The following PHACTR4 variants were observed in gnomAD, a reference collection of about 807,000 sequenced individuals.
The protein encoded by PHACTR4 is protein phosphatase 1, regulatory subunit 124.
Under a neutral mutation model 72.7 loss-of-function variants are expected in PHACTR4, and 51 were observed. That is an observed-to-expected ratio of 0.70 (90% CI 0.56 to 0.89). The LOEUF (loss-of-function observed/expected upper bound fraction) is 0.89, where lower values mean the gene tolerates loss of function less well. PHACTR4 is among the 40% of genes least tolerant of loss of function. The probability of loss-of-function intolerance (pLI) is 0.00; values close to 1 mark genes in which losing one functional copy is unlikely to be tolerated. For missense variants in PHACTR4, 731 were observed against 861.8 expected (o/e 0.85, Z 1.90); for synonymous variants, 255 against 302.5 (o/e 0.84, Z 1.63).
At chr1:28,481,825 T>A (rs1301441876) in intron 9 of PHACTR4, among the ~76,000 whole-genome samples, 24 of 150,234 alleles carry the variant, frequency 1.6e-4, no homozygotes, top group Admixed American at 1.6e-3. Flanking sequence ...AACAAAAAAA[T>A]ATATATTGGA....
chr1:28,461,607 C>G (rs1344456609), intron 4 of PHACTR4, among the ~76,000 whole-genome samples: 6 of 152,092 alleles, frequency 3.9e-5, no homozygotes. Flanking sequence ...TAAAAACTAA[C>G]CAGAGACAAC....
intron 1 of PHACTR4, among the ~76,000 whole-genome samples, chr1:28,399,241 GGC>G (rs1326577293): frequency 2.6e-5 from 4 of 152,040 alleles, no homozygotes; most frequent in Admixed American, 2.6e-4. Context: ...GAATCCAGGA[GGC>G]GGGGGTTATA....
intron 9 of PHACTR4, among the ~76,000 whole-genome samples, chr1:28,484,171 A>C (rs2124533517): frequency 6.6e-6 from 1 of 152,220 alleles, no homozygotes; most frequent in South Asian, 2.1e-4. Context: ...AAATACAAAA[A>C]TTAGCCAGGC....
intron 13 of PHACTR4, among the ~76,000 whole-genome samples, chr1:28,496,038 A>C (rs1286694012): frequency 6.6e-6 from 1 of 150,592 alleles, no homozygotes; most frequent in Non-Finnish European, 1.5e-5. Flanking sequence ...TACAGAAGCC[A>C]AGAGAAGAGT....
chr1:28,494,082 C>T (rs1238254681), intron 13 of PHACTR4: 1 of 152,034 alleles, frequency 6.6e-6, no homozygotes, highest in Admixed American at 6.6e-5. Context: ...GCAAATGAGG[C>T]TGAGTGCAGT....
At chr1:28,427,719 C>T (rs1655962068) in intron 2 of PHACTR4, among the ~76,000 whole-genome samples, 1 of 152,072 alleles carries the variant, frequency 6.6e-6, no homozygotes, top group East Asian at 1.9e-4. Context: ...CTTTTTTACT[C>T]TGTGGTACTT....
In PHACTR4 at chr1:28,429,675, G is replaced by A. The variant is rs974418867; in HGVS notation, c.16+22212G>A. ...CTTATACTCAAGATTAATAATACTC[G>A]GTGCGTGTATACTGTACATCAAATG... On this transcript the variant is annotated intron_variant, in intron 2 of 13. Coordinates refer to ENST00000373839, the MANE Select transcript of PHACTR4 (RefSeq NM_001048183.3). Among the ~76,000 whole-genome samples the A allele has an allele frequency of 6.6e-5, 10 of 152,108 alleles. 1 individual carries two copies. The highest frequency in any genetic ancestry group is 6.2e-4 in the South Asian group (3 of 4,826).
At chr1:28,487,724 G>GTTTTTTTTTTTTTTT (rs1054105118) in intron 9 of PHACTR4, among the ~76,000 whole-genome samples, 2 of 71,472 alleles carry the variant, frequency 2.8e-5, no homozygotes, top group African/African-American at 1.1e-4. Flanking sequence ...GTAGTTTTTT[G>GTTTTTTTTTTTTTTT]TTGTTTTTTT....
intron 8 of PHACTR4, among the ~76,000 whole-genome samples, chr1:28,476,772 C>CTTTTTTTTTTTT (rs35369238): frequency 0.01 from 989 of 98,154 alleles, 157 homozygotes; most frequent in African/African-American, 0.046. Flanking sequence ...CTAGCCTGTT[C>CTTTTTTTTTTTT]TTTTTTTTTT....
intron 4 of PHACTR4, 128 bp from the exon 5 acceptor site, chr1:28,465,557 C>T: frequency 4.2e-6 from 4 of 948,302 alleles, no homozygotes; most frequent in Non-Finnish European, 6.2e-6. Flanking sequence ...TCAAGACCAG[C>T]CTGGGCAACA....
At chr1:28,395,168 C>G (rs1266985338) in intron 1 of PHACTR4, among the ~76,000 whole-genome samples, 1 of 152,122 alleles carries the variant, frequency 6.6e-6, no homozygotes, top group Non-Finnish European at 1.5e-5. Flanking sequence ...CTGCCTTGGC[C>G]TCCTAAAGTG....
chr1:28,374,820 A>G (rs183201060), intron 1 of PHACTR4, among the ~76,000 whole-genome samples: 1 of 152,270 alleles, frequency 6.6e-6, no homozygotes, highest in East Asian at 1.9e-4. Flanking sequence ...AAATAAATAA[A>G]ATTCCCTCAT....
intron 2 of PHACTR4, among the ~76,000 whole-genome samples, chr1:28,414,004 C>T (rs1654942589): frequency 6.6e-6 from 1 of 152,138 alleles, no homozygotes. Context: ...CTGCTGCATT[C>T]AGCATTAATT....
intron 2 of PHACTR4, among the ~76,000 whole-genome samples, chr1:28,449,000 C>T (rs369285570): frequency 6.6e-6 from 1 of 151,126 alleles, no homozygotes; most frequent in Admixed American, 6.6e-5. Flanking sequence ...AAAAATTAGC[C>T]AGATAAGGTG....
chr1:28,490,533 A>G (rs78214071), intron 10 of PHACTR4, among the ~76,000 whole-genome samples: 1 of 146,060 alleles, frequency 6.8e-6, no homozygotes, highest in African/African-American at 2.6e-5. Flanking sequence ...CTCCATCTCA[A>G]AAAAAAAAAA....
At chr1:28,391,470 G>A (rs962073861) in intron 1 of PHACTR4, among the ~76,000 whole-genome samples, 1 of 151,540 alleles carries the variant, frequency 6.6e-6, no homozygotes, top group Non-Finnish European at 1.5e-5. Flanking sequence ...TAAAATGGTG[G>A]TTACCAGGAG....
intron 4 of PHACTR4, among the ~76,000 whole-genome samples, chr1:28,463,489 C>CT (rs150600060): frequency 0.1 from 15,803 of 152,092 alleles, 1,891 homozygotes; most frequent in African/African-American, 0.3. Context: ...CTGTCTTAAA[C>CT]TTTATTATGT....
intron 2 of PHACTR4, among the ~76,000 whole-genome samples, chr1:28,433,773 ATTTTATTTTGTT>A (rs1044256055): frequency 7.5e-6 from 1 of 134,194 alleles, no homozygotes; most frequent in Non-Finnish European, 1.6e-5. Flanking sequence ...TTAGCATTTC[ATTTTATTTTGTT>A]TTTTATTTTA....
intron 3 of PHACTR4, among the ~76,000 whole-genome samples, chr1:28,459,633 C>T (rs555983135): frequency 1.6e-3 from 240 of 152,168 alleles, no homozygotes; most frequent in Non-Finnish European, 2.9e-3. Context: ...AACTCCTGGG[C>T]TCAAGCGATC....
Sources: allele counts gnomAD v4.1 joint callset (sites outside exome capture counted in the v4.1 genomes callset), GRCh38; gene constraint gnomAD v4.1.1; transcripts MANE v1.5; gene names NCBI Gene and HGNC (gene_info 2026-07-23, HGNC 2026-07-21).